PSME1: variants seen among roughly 807,000 people sequenced by gnomAD.
PSME1 encodes proteasome activator subunit 1, also known as proteasome activator complex subunit 1.
PSME1 carries 15 observed loss-of-function variants against 38.4 expected under a neutral mutation model. The ratio of observed to expected loss-of-function variants is 0.39; its 90% CI spans 0.26 to 0.60. The LOEUF (loss-of-function observed/expected upper bound fraction) is 0.60. Ranked by LOEUF, PSME1 falls within the 20% of genes least tolerant of loss-of-function variation. The pLI, the probability that PSME1 is intolerant of heterozygous loss-of-function variation, is 0.53. For missense variants in PSME1, 249 were observed against 305.6 expected (o/e 0.81, Z 1.38); for synonymous variants, 106 against 106.8 (o/e 0.99, Z 0.05).
chr14:24,137,327 G>C lies in PSME1; in HGVS notation c.142G>C (p.Ala48Pro). Residue 48 changes from alanine to proline, a missense_variant, in exon 4 of 11, where the codon GCT (alanine) becomes CCT (proline). Ala to Pro is a conservative substitution (Grantham distance 27, BLOSUM62 -1). Transcript: ENST00000206451. ...TCCTCCCACCCTACACCAGGAGCCAGCTCTCAATGAAGCCAACTTGAGCAA... is the reference window on the plus strand; with the variant it reads ...TCCTCCCACCCTACACCAGGAGCCACCTCTCAATGAAGCCAACTTGAGCAA... ...SELDAFLKEP[A>P]LNEANLSNLK... The C allele has an allele frequency of 6.2e-6, 10 of 1,614,120 alleles. No homozygotes were observed. Among genetic ancestry groups the C allele is most frequent in the Non-Finnish European group, 7.6e-6 (9 of 1,180,018 alleles).
At chr14:24,138,671 A>G in intron 10 of PSME1, 65 bp from the exon 11 acceptor site, 2 of 1,613,644 alleles carry the variant, frequency 1.2e-6, no homozygotes, top group African/African-American at 1.3e-5. Context: ...CTTCTCCACA[A>G]GGCTAGAAAT....
In PSME1 at chr14:24,138,278, A is replaced by ATG. The variant is rs754326920; in HGVS notation, c.527+18_527+19dup. 12 of 1,613,680 alleles carry ATG rather than the reference A, an allele frequency of 7.4e-6. No individual in the cohort carries two copies. Among genetic ancestry groups the ATG allele is most frequent in the Non-Finnish European group, 1.0e-5 (12 of 1,179,638 alleles). ...CAAATCTCTAAGTGAGTGACCACCC[A>ATG]TGTGCACACTGTTTTTGTTTTGGGA... On this transcript the variant is annotated intron_variant, in intron 8 of 10. Transcript: ENST00000206451.
rs1011221156 is a variant in PSME1 at position 24,136,577 on chromosome 14, A to C, written c.39+276A>C. Among the ~76,000 whole-genome samples the C allele has an allele frequency of 6.6e-6, 1 of 152,112 alleles. No individual in the cohort carries two copies. Among genetic ancestry groups the C allele is most frequent in the East Asian group, 1.9e-4 (1 of 5,194 alleles). On this transcript the variant is annotated intron_variant, in intron 1 of 10. Transcript: ENST00000206451. This position sits in a 1 kb window ranked among gnomAD's most constrained non-coding sequence, Gnocchi z 4.8. The stretch of plus-strand genomic sequence containing the variant: ...GGGCCACACACAGACTGGGTGCGGG[A>C]CTGCCCCAGCTACCTTCTGGCCTTT...
chr14:24,136,851 C>G lies in PSME1; in HGVS notation c.40-134C>G. 1.9e-6 allele frequency: 2 copies of G among 1,040,298 alleles called. No individual in the cohort carries two copies. Among genetic ancestry groups the G allele is most frequent in the South Asian group, 2.7e-5 (2 of 74,130 alleles). The allele number at this position is 1,040,298 out of a possible 1,614,324, so 64.4% of individuals were successfully genotyped here. A position where few individuals can be genotyped will look rare whatever the true frequency, so the allele number is the denominator to read the frequency against. On this transcript the variant is annotated intron_variant, in intron 1 of 10. Transcript: ENST00000206451. This position sits in a 1 kb window ranked among gnomAD's most constrained non-coding sequence, Gnocchi z 4.8. ...ACCCACCCTACAGGCATCCATCTCG[C>G]TTTCTTCAGGTCTGGCCTTAGAGGG...
rs745441422 is a variant in PSME1, at chr14:24,137,318, C to T, written c.136-3C>T. On this transcript the variant is annotated splice_region_variant and splice_polypyrimidine_tract_variant and intron_variant, in intron 3 of 10. Coordinates refer to ENST00000206451, the MANE Select transcript of PSME1 (RefSeq NM_006263.4). ...CTCCAGCCCTCCTCCCACCCTACAC[C>T]AGGAGCCAGCTCTCAATGAAGCCAA... 1.9e-6 allele frequency: 3 copies of T among 1,613,798 alleles called. No homozygotes were observed. Among genetic ancestry groups the T allele is most frequent in the Non-Finnish European group, 2.5e-6 (3 of 1,179,910 alleles).
Position 24,137,386 on chromosome 14 carries a change from T to C in PSME1, c.201T>C (p.Asp67=), listed in dbSNP as rs1190810264. Reference sequence around the variant, plus strand: ...CCCCATTGGACATCCCAGTGCCTGATCCAGTCAAGGAGAAAGAGAAAGAGG... The same window carrying C: ...CCCCATTGGACATCCCAGTGCCTGACCCAGTCAAGGAGAAAGAGAAAGAGG... ...LKAPLDIPVP[D]PVKEKEKEER... Residue 67 remains aspartate (D), a synonymous_variant, in exon 4 of 11, where the codon GAT becomes GAC. Transcript: ENST00000206451. 1 of 1,613,872 alleles carries C rather than the reference T, an allele frequency of 6.2e-7. No individual in the cohort carries two copies. The highest frequency in any genetic ancestry group is 2.2e-5 in the East Asian group (1 of 44,854).
chr14:24,138,699 G>T (rs1352600891), intron 10 of PSME1, 37 bp from the exon 11 acceptor site: 2 of 1,613,888 alleles, frequency 1.2e-6, no homozygotes, highest in Admixed American at 3.3e-5. Context: ...AGAGCCACTG[G>T]AGGCCTCTGA....
Position 24,138,738 on chromosome 14 carries a change from T to G in PSME1, c.672T>G (p.Ala224=). The change falls in exon 11 of 11, where the codon GCT becomes GCG. Residue 224 remains alanine (A), a splice_region_variant and synonymous_variant. Transcript: ENST00000206451. ...ACCTCTACTCCCTGGCCCTGTAGGC[T>G]GTGTTATATGACATCATCCTGAAGA... ...LMVMEIRNAY[A]VLYDIILKNF... 1 of 1,614,132 alleles carries G rather than the reference T, an allele frequency of 6.2e-7. No individual in the cohort carries two copies. The highest frequency in any genetic ancestry group is 1.7e-5 in the Admixed American group (1 of 60,020).
chr14:24,137,269 G>A lies in PSME1; in HGVS notation c.136-52G>A, dbSNP rs1206142615. ...AGAGAAGAGTCTGGAGGCTGTGAGAGTGAGGTGAGAGGAACTCCCTCACCT... is the reference window on the plus strand; with the variant it reads ...AGAGAAGAGTCTGGAGGCTGTGAGAATGAGGTGAGAGGAACTCCCTCACCT... On this transcript the variant is annotated intron_variant, in intron 3 of 10. Coordinates refer to ENST00000206451, the MANE Select transcript of PSME1 (RefSeq NM_006263.4). The A allele has an allele frequency of 3.7e-6, 6 of 1,610,902 alleles. No homozygotes were observed. In the Admixed American group the frequency reaches 1.0e-4, roughly 27 times the overall value.
chr14:24,137,884 T>C (rs1594356191), intron 6 of PSME1, 87 bp downstream of exon 6: 1 of 1,529,830 alleles, frequency 6.5e-7, no homozygotes, highest in East Asian at 2.3e-5. Flanking sequence ...ACTTGCCAGG[T>C]TTTAGCAAGA....
rs142862638 is a variant in PSME1 at position 24,137,606 on chromosome 14, C to G, written c.292+41C>G. 8.8e-4 allele frequency: 1,427 copies of G among 1,612,734 alleles called. 3 individuals are homozygous for G. The highest frequency in any genetic ancestry group is 1.1e-3 in the Non-Finnish European group (1,323 of 1,178,722). ...ATGGTGGGAAGAGACTTGAGTCCCA[C>G]TCACAGGAGCTCCTCCTAAGGATTT... is the stretch of plus-strand genomic sequence containing the variant. On this transcript the variant is annotated intron_variant, in intron 5 of 10. Transcript: ENST00000206451.
At position 24,137,177 on chromosome 14, in the gene PSME1, A is replaced by T. The variant is rs375851656; in HGVS notation, c.107A>T (p.Lys36Met). Residue 36 changes from lysine (K) to methionine (M), a missense_variant, in exon 3 of 11, where the codon AAG (lysine) becomes ATG (methionine). Transcript: ENST00000206451. ...ENLLGSYFPK[K>M]ISELDAFLKE... ...CTGCTCGGGAGCTATTTCCCCAAGA[A>T]GATTTCTGAGCTGGATGCATTTTTA... is the stretch of plus-strand genomic sequence containing the variant. 1 of 1,614,056 alleles carries T rather than the reference A, an allele frequency of 6.2e-7. No homozygotes were observed. Among genetic ancestry groups the T allele is most frequent in the African/African-American group, 1.3e-5 (1 of 74,914 alleles).
At position 24,137,353 on chromosome 14, in the gene PSME1, T is replaced by C. The variant is rs777346852; in HGVS notation, c.168T>C (p.Asn56=). ...CTCTCAATGAAGCCAACTTGAGCAA[T>C]CTGAAGGCCCCATTGGACATCCCAG... ...EPALNEANLS[N]LKAPLDIPVP... The change falls in exon 4 of 11, where the codon AAT becomes AAC. Residue 56 remains asparagine, a synonymous_variant. Coordinates refer to ENST00000206451, the MANE Select transcript of PSME1 (RefSeq NM_006263.4). The C allele has an allele frequency of 1.9e-6, 3 of 1,613,898 alleles. No individual in the cohort carries two copies. The South Asian group carries it at 3.3e-5, about 18-fold the overall frequency.
chr14:24,136,341 C>A lies in PSME1; in HGVS notation c.39+40C>A, dbSNP rs1033010638. ...GTCTAGAAAGGGCCCACTGGGGAGG[C>A]GTGGCTGGAGCGGCCGGGGGCATCC... is the stretch of plus-strand genomic sequence containing the variant. On this transcript the variant is annotated intron_variant, in intron 1 of 10. Transcript: ENST00000206451. This position sits in a 1 kb window ranked among gnomAD's most constrained non-coding sequence, Gnocchi z 4.8. The A allele has an allele frequency of 2.7e-6, 4 of 1,492,388 alleles. No individual in the cohort carries two copies. In the African/African-American group the frequency reaches 4.4e-5, roughly 16 times the overall value. The allele number at this position is 1,492,388 out of a possible 1,614,324, so 92.4% of individuals were successfully genotyped here.
At position 24,136,390 on chromosome 14, in the gene PSME1, C is replaced by T; in HGVS notation, c.39+89C>T. 1.5e-6 allele frequency: 2 copies of T among 1,322,252 alleles called. No homozygotes were observed. The highest frequency in any genetic ancestry group is 1.0e-6 in the Non-Finnish European group (1 of 1,003,658). The allele number at this position is 1,322,252 out of a possible 1,614,324, so 81.9% of individuals were successfully genotyped here. The stretch of plus-strand genomic sequence containing the variant: ...CCCCGACCCGCCCCCCAGGCTCCCA[C>T]GCGAGTCGGGGGCAGTCGGCCGAGC... On this transcript the variant is annotated intron_variant, in intron 1 of 10. Transcript: ENST00000206451. This position sits in a 1 kb window ranked among gnomAD's most constrained non-coding sequence, Gnocchi z 4.8.
rs1265021097 is a variant in PSME1, at chr14:24,138,826, C to T, written c.*10C>T. 12 of 1,612,928 alleles carry T rather than the reference C, an allele frequency of 7.4e-6. No individual in the cohort carries two copies. Among genetic ancestry groups the T allele is most frequent in the South Asian group, 3.3e-5 (3 of 91,056 alleles). ...GGGAATGATCTATTGAGAGCCCTCT[C>T]TCCCATTCTGTGATGAGTACAGCAG... On this transcript the variant is annotated 3_prime_UTR_variant, in exon 11 of 11. Coordinates refer to ENST00000206451, the MANE Select transcript of PSME1 (RefSeq NM_006263.4).
Position 24,137,172 on chromosome 14 carries a change from CAAG to C in PSME1, c.107_109del (p.Lys36del), listed in dbSNP as rs764546202. On this transcript the variant is annotated inframe_deletion, in exon 3 of 11. Coordinates refer to ENST00000206451, the MANE Select transcript of PSME1 (RefSeq NM_006263.4). ...AGAACCTGCTCGGGAGCTATTTCCC[CAAG>C]AAGATTTCTGAGCTGGATGCATTTT... is the stretch of plus-strand genomic sequence containing the variant. 15 of 1,614,076 alleles carry C rather than the reference CAAG, an allele frequency of 9.3e-6. No homozygotes were observed. Among genetic ancestry groups the C allele is most frequent in the African/African-American group, 1.3e-5 (1 of 74,922 alleles).
chr14:24,138,912 T>G lies in PSME1; in HGVS notation c.*96T>G, dbSNP rs1428918885. 2 of 1,592,920 alleles carry G rather than the reference T, an allele frequency of 1.3e-6. No homozygotes were observed. The highest frequency in any genetic ancestry group is 2.0e-4 in the Middle Eastern group (1 of 5,050). On this transcript the variant is annotated 3_prime_UTR_variant, in exon 11 of 11. Coordinates refer to ENST00000206451, the MANE Select transcript of PSME1 (RefSeq NM_006263.4). ...TCCCCAAACTTGCTTCTGTTGAGAT[T>G]TTTCCCTCACCTTGCCTCTCAGGCA...
rs1594353858 is a variant in PSME1 at position 24,136,748 on chromosome 14, C to T, written c.40-237C>T. 1.6e-6 allele frequency: 1 copy of T among 618,142 alleles called. No individual in the cohort carries two copies. Among genetic ancestry groups the T allele is most frequent in the East Asian group, 2.8e-5 (1 of 36,126 alleles). The allele number at this position is 618,142 out of a possible 1,614,324, so 38.3% of individuals were successfully genotyped here. ...TCACCGCCAGGAATGTTCTCATCCC[C>T]CATATCCAGCCCCAGGGATACCCAC... On this transcript the variant is annotated intron_variant, in intron 1 of 10. Transcript: ENST00000206451. The surrounding 1 kb of genome is among the most constrained non-coding windows in gnomAD (Gnocchi z 4.8).
Sources: gnomAD v4.1 joint callset for allele counts (sites outside exome capture counted in the v4.1 genomes callset) on GRCh38, gnomAD v4.1.1 for gene constraint, Gnocchi (gnomAD v3.1) non-coding constraint, MANE v1.5 for transcripts, NCBI Gene and HGNC (gene_info 2026-07-23, HGNC 2026-07-21) for gene names.